FSTL5: variants seen among roughly 807,000 people sequenced by gnomAD.
The protein encoded by FSTL5 is follistatin like 5.
In FSTL5, 62 loss-of-function variants were observed where a neutral mutation model predicts 89.1. The ratio of observed to expected loss-of-function variants is 0.70; its 90% CI spans 0.57 to 0.86. FSTL5 has a LOEUF of 0.86. Among genes scored for constraint, FSTL5 ranks in the 40% least tolerant of loss-of-function variants. The pLI, the probability that FSTL5 is intolerant of heterozygous loss-of-function variation, is 0.00. For missense variants in FSTL5, 1,057 were observed against 1,001.6 expected (o/e 1.06, Z -0.75); for synonymous variants, 383 against 346.2 (o/e 1.11, Z -1.18).
chr4:162,064,668 G>C (rs188551411), intron 2 of FSTL5, among the ~76,000 whole-genome samples: 1 of 151,990 alleles, frequency 6.6e-6, no homozygotes, highest in East Asian at 1.9e-4. Flanking sequence ...AGATCTTAGG[G>C]AATCTCAGCC....
intron 4 of FSTL5, among the ~76,000 whole-genome samples, chr4:161,779,100 G>C (rs9686044): frequency 6.6e-6 from 1 of 151,970 alleles, no homozygotes; most frequent in African/African-American, 2.4e-5. Context: ...CCTTTAACCA[G>C]TATTTAAAAC....
chr4:161,759,282 T>C, intron 6 of FSTL5, 129 bp downstream of exon 6: 2 of 833,160 alleles, frequency 2.4e-6, no homozygotes, highest in Non-Finnish European at 3.6e-6. Context: ...ACTTGAAACT[T>C]AAATTCACTA....
chr4:161,415,044 T>C (rs558547977), intron 15 of FSTL5, among the ~76,000 whole-genome samples: 2 of 152,332 alleles, frequency 1.3e-5, no homozygotes, highest in East Asian at 3.9e-4. Context: ...AGGTGCTTAG[T>C]AAATTATACC....
At chr4:162,142,237 A>T (rs1227613541) in intron 1 of FSTL5, among the ~76,000 whole-genome samples, 1 of 152,092 alleles carries the variant, frequency 6.6e-6, no homozygotes, top group Non-Finnish European at 1.5e-5. Flanking sequence ...AGGAAATGAG[A>T]GTGTGGTGTC....
At chr4:161,697,706 T>C (rs544981559) in intron 6 of FSTL5, among the ~76,000 whole-genome samples, 87 of 152,282 alleles carry the variant, frequency 5.7e-4, no homozygotes, top group African/African-American at 1.9e-3. Flanking sequence ...CTGTAATGTA[T>C]ATGAACTTAG....
chr4:161,492,815 C>T (rs1295429446), intron 12 of FSTL5, among the ~76,000 whole-genome samples: 1 of 151,888 alleles, frequency 6.6e-6, no homozygotes, highest in Non-Finnish European at 1.5e-5. Flanking sequence ...TTCTTAATTT[C>T]CATGTGGACA....
At chr4:162,094,501 G>A (rs764681086) in intron 2 of FSTL5, among the ~76,000 whole-genome samples, 4 of 151,926 alleles carry the variant, frequency 2.6e-5, no homozygotes, top group Admixed American at 6.6e-5. Flanking sequence ...AATAAATTGC[G>A]CATGAATTTT....
chr4:161,758,617 A>T (rs1448572688), intron 6 of FSTL5, among the ~76,000 whole-genome samples: 3 of 152,124 alleles, frequency 2.0e-5, no homozygotes, highest in African/African-American at 7.2e-5. Context: ...CCCCGGGTTC[A>T]AGTGATTCTC....
intron 4 of FSTL5, among the ~76,000 whole-genome samples, chr4:161,900,578 G>T (rs1733324397): frequency 7.0e-6 from 1 of 142,140 alleles, no homozygotes; most frequent in Non-Finnish European, 1.5e-5. Context: ...GGCGGAGGTT[G>T]CAGTAAGTCC....
In FSTL5 at chr4:161,430,556, C is replaced by T. The variant is rs1232743229; in HGVS notation, c.1841+24448G>A. On this transcript the variant is annotated intron_variant, in intron 15 of 15. Coordinates refer to ENST00000306100, the MANE Select transcript of FSTL5 (RefSeq NM_020116.5). ...GAGATCGAGACCATCCTGGCTAACACGGTGAAACCCCGTCTCTACTAAAAA... is the reference window on the plus strand; with the variant it reads ...GAGATCGAGACCATCCTGGCTAACATGGTGAAACCCCGTCTCTACTAAAAA... Among the ~76,000 whole-genome samples, 8 of 152,082 alleles carry T rather than the reference C, an allele frequency of 5.3e-5. No individual in the cohort carries two copies. In the South Asian group the frequency reaches 6.2e-4, roughly 12 times the overall value.
chr4:162,138,165 A>C (rs1300474984), intron 1 of FSTL5, among the ~76,000 whole-genome samples: 1 of 152,200 alleles, frequency 6.6e-6, no homozygotes, highest in African/African-American at 2.4e-5. Flanking sequence ...TTATATCTAC[A>C]GAAGCCTTCT....
chr4:161,910,317 TTAAC>T (rs1173121807), intron 4 of FSTL5, among the ~76,000 whole-genome samples: 2 of 152,160 alleles, frequency 1.3e-5, no homozygotes, highest in Non-Finnish European at 2.9e-5. Context: ...TCACTTCATC[TTAAC>T]TATACAGTCC....
chr4:161,826,388 G>A (rs1204250931), intron 4 of FSTL5, among the ~76,000 whole-genome samples: 1 of 152,084 alleles, frequency 6.6e-6, no homozygotes, highest in Admixed American at 6.5e-5. Flanking sequence ...TATCTATTAA[G>A]TCTATCTATT....
At chr4:161,690,585 T>C (rs1289480759) in intron 6 of FSTL5, among the ~76,000 whole-genome samples, 1 of 152,126 alleles carries the variant, frequency 6.6e-6, no homozygotes, top group East Asian at 1.9e-4. Context: ...GACATATGAT[T>C]TGTAAATATT....
At chr4:161,451,207 A>C (rs922858953) in intron 15 of FSTL5, among the ~76,000 whole-genome samples, 1 of 18,176 alleles carries the variant, frequency 5.5e-5, no homozygotes, top group East Asian at 2.5e-3. Flanking sequence ...TCAACTTTAA[A>C]ACTAAAATTA....
chr4:161,537,868 G>C (rs567839916), intron 10 of FSTL5, among the ~76,000 whole-genome samples: 1 of 152,118 alleles, frequency 6.6e-6, no homozygotes, highest in East Asian at 1.9e-4. Flanking sequence ...TTGAGGAGAG[G>C]GATTTTGCAA....
At chr4:161,456,462 A>AT (rs1733357455) in intron 14 of FSTL5, among the ~76,000 whole-genome samples, 1 of 152,242 alleles carries the variant, frequency 6.6e-6, no homozygotes, top group South Asian at 2.1e-4. Context: ...TAAAATTATA[A>AT]TAAAAATTAA....
At chr4:161,386,546 T>G in intron 15 of FSTL5, 97 bp from the exon 16 acceptor site, 1 of 778,226 alleles carries the variant, frequency 1.3e-6, no homozygotes, top group Non-Finnish European at 2.0e-6. Flanking sequence ...TCGCAGGCTC[T>G]AATTGTCAGG....
intron 4 of FSTL5, among the ~76,000 whole-genome samples, chr4:161,835,106 T>TA (rs1351562140): frequency 6.8e-6 from 1 of 147,250 alleles, no homozygotes; most frequent in Non-Finnish European, 1.5e-5. Flanking sequence ...AAAACAGAGA[T>TA]ATAGATCAAT....
Sources: gnomAD v4.1 joint callset for allele counts (sites outside exome capture counted in the v4.1 genomes callset) on GRCh38, gnomAD v4.1.1 for gene constraint, MANE v1.5 for transcripts, NCBI Gene and HGNC (gene_info 2026-07-23, HGNC 2026-07-21) for gene names.